The following PTPRN2 variants were observed in gnomAD, a reference collection of about 807,000 sequenced individuals.
The protein encoded by PTPRN2 is receptor-type tyrosine-protein phosphatase N2.
PTPRN2 carries 74 observed loss-of-function variants against 118.8 expected under a neutral mutation model. That is an observed-to-expected ratio of 0.62 (90% CI 0.52 to 0.76). PTPRN2 has a LOEUF of 0.76. PTPRN2 is among the 30% of genes least tolerant of loss of function. The probability of loss-of-function intolerance (pLI) is 0.00; values close to 1 mark genes in which losing one functional copy is unlikely to be tolerated. For missense variants in PTPRN2, 1,481 were observed against 1,394.4 expected (o/e 1.06, Z -0.99); for synonymous variants, 641 against 608.0 (o/e 1.05, Z -0.80).
rs760242352 is a variant in PTPRN2 at position 157,839,995 on chromosome 7, C to T, written c.1788+58678G>A. On this transcript the variant is annotated intron_variant, in intron 12 of 22. Coordinates refer to ENST00000389418, the MANE Select transcript of PTPRN2 (RefSeq NM_002847.5). ...GTGTGACCACATTTGACTGTGTGGC[C>T]GTGTGTGACTGTGTGTGACTGTGTG... is the stretch of plus-strand genomic sequence containing the variant. Among the ~76,000 whole-genome samples, 8 of 133,904 alleles carry T rather than the reference C, an allele frequency of 6.0e-5. No homozygotes were observed. In the Admixed American group the frequency reaches 6.0e-4, roughly 10 times the overall value. 87.8% of individuals were successfully genotyped at this position (133,904 alleles called of 152,430 possible).
intron 9 of PTPRN2, among the ~76,000 whole-genome samples, chr7:158,132,095 C>T (rs1246542180): frequency 6.6e-6 from 1 of 150,812 alleles, no homozygotes; most frequent in Non-Finnish European, 1.5e-5. Context: ...CACACACGCA[C>T]ATATGCACAG....
chr7:157,978,532 T>G (rs1802913432), intron 11 of PTPRN2, among the ~76,000 whole-genome samples: 1 of 151,990 alleles, frequency 6.6e-6, no homozygotes, highest in Non-Finnish European at 1.5e-5. Context: ...CACCTAAAGC[T>G]ACAGCATTTG....
chr7:157,542,517 T>C (rs1465655402), intron 22 of PTPRN2, among the ~76,000 whole-genome samples: 1 of 149,872 alleles, frequency 6.7e-6, no homozygotes, highest in Non-Finnish European at 1.5e-5. Flanking sequence ...GGGCCAGTGC[T>C]AATCCTGCAG....
At chr7:158,261,134 C>T (rs1797370506) in intron 3 of PTPRN2, among the ~76,000 whole-genome samples, 1 of 152,126 alleles carries the variant, frequency 6.6e-6, no homozygotes, top group African/African-American at 2.4e-5. Flanking sequence ...AGTGCCCATC[C>T]CGAGCTCTTT....
chr7:157,730,413 T>C (rs1243830631), intron 12 of PTPRN2, among the ~76,000 whole-genome samples: 1 of 152,208 alleles, frequency 6.6e-6, no homozygotes, highest in African/African-American at 2.4e-5. Context: ...CGGCAGACAT[T>C]TGAAAGCAGC....
At chr7:158,285,067 T>C (rs145172061) in intron 3 of PTPRN2, among the ~76,000 whole-genome samples, 18 of 152,322 alleles carry the variant, frequency 1.2e-4, no homozygotes, top group African/African-American at 3.8e-4. Flanking sequence ...CTTTTGTTTG[T>C]TTTTTGTTTT....
rs961821692 is a variant in PTPRN2 at position 158,003,142 on chromosome 7, C to T, written c.1723+78156G>A. Among the ~76,000 whole-genome samples, 1 of 152,080 alleles carries T rather than the reference C, an allele frequency of 6.6e-6. No individual in the cohort carries two copies. The highest frequency in any genetic ancestry group is 2.4e-5 in the African/African-American group (1 of 41,422). ...AAAGAGGTAAAGGTAAGGCCGGGCG[C>T]GGTGGCTCACGCCTGTAATCCCAGC... is the stretch of plus-strand genomic sequence containing the variant. On this transcript the variant is annotated intron_variant, in intron 11 of 22. Coordinates refer to ENST00000389418, the MANE Select transcript of PTPRN2 (RefSeq NM_002847.5). This position sits in a 1 kb window ranked among gnomAD's most constrained non-coding sequence, Gnocchi z 5.0.
chr7:158,425,195 CA>C (rs1815619409), intron 2 of PTPRN2, among the ~76,000 whole-genome samples: 1 of 34,902 alleles, frequency 2.9e-5, no homozygotes, highest in African/African-American at 7.3e-5. Context: ...GAGGCCTGCG[CA>C]CCGCCGGGAA....
intron 6 of PTPRN2, among the ~76,000 whole-genome samples, chr7:158,140,480 C>T (rs189149150): frequency 7.9e-5 from 12 of 152,252 alleles, no homozygotes; most frequent in African/African-American, 2.4e-4. Context: ...AGCAGGAGAG[C>T]GGATAAGGAG....
At chr7:157,983,406 C>G (rs959938462) in intron 11 of PTPRN2, among the ~76,000 whole-genome samples, 3 of 152,000 alleles carry the variant, frequency 2.0e-5, no homozygotes, top group Non-Finnish European at 4.4e-5. Flanking sequence ...TGGGTTCCCC[C>G]CTAAACCCCG....
At chr7:158,497,919 A>G (rs1822069789) in intron 1 of PTPRN2, among the ~76,000 whole-genome samples, 1 of 152,228 alleles carries the variant, frequency 6.6e-6, no homozygotes, top group Admixed American at 6.5e-5. Flanking sequence ...GATGTCACAC[A>G]TGAGCAGGAG....
At chr7:157,855,631 C>T (rs1268142298) in intron 12 of PTPRN2, among the ~76,000 whole-genome samples, 1 of 152,206 alleles carries the variant, frequency 6.6e-6, no homozygotes, top group African/African-American at 2.4e-5. Context: ...TCAGGAATAG[C>T]CCTCACTGCA....
intron 2 of PTPRN2, among the ~76,000 whole-genome samples, chr7:158,474,474 G>A (rs1475531569): frequency 1.3e-5 from 2 of 152,202 alleles, no homozygotes; most frequent in East Asian, 1.9e-4. Flanking sequence ...TTGATAAATG[G>A]GAAAGTCAAC....
chr7:158,191,628 C>T (rs1211736592), intron 5 of PTPRN2, among the ~76,000 whole-genome samples: 1 of 152,152 alleles, frequency 6.6e-6, no homozygotes, highest in East Asian at 1.9e-4. Flanking sequence ...ACTGAGATTC[C>T]TAATTCCGTG....
chr7:158,587,680 T>C lies in PTPRN2; in HGVS notation c.-11A>G. 2 of 1,312,858 alleles carry C rather than the reference T, an allele frequency of 1.5e-6. No homozygotes were observed. The highest frequency in any genetic ancestry group is 3.8e-5 in the South Asian group (2 of 52,740). The allele number at this position is 1,312,858 out of a possible 1,614,324, so 81.3% of individuals were successfully genotyped here. A position where few individuals can be genotyped will look rare whatever the true frequency, so the allele number is the denominator to read the frequency against. On this transcript the variant is annotated 5_prime_UTR_variant, in exon 1 of 23. Transcript: ENST00000389418. ...GAGCGGCGGCCCCATCCCCGCGGCCTGGCCGGCGGCGCTCAGTCCATGGCC... is the reference window on the plus strand; with the variant it reads ...GAGCGGCGGCCCCATCCCCGCGGCCCGGCCGGCGGCGCTCAGTCCATGGCC...
At chr7:158,248,153 A>G (rs745475577) in intron 3 of PTPRN2, among the ~76,000 whole-genome samples, 3 of 152,234 alleles carry the variant, frequency 2.0e-5, no homozygotes, top group African/African-American at 7.2e-5. Context: ...CTCAGAGCCC[A>G]CTAAGGCCAG....
At chr7:157,626,396 G>A (rs549397095) in intron 14 of PTPRN2, among the ~76,000 whole-genome samples, 154 of 152,098 alleles carry the variant, frequency 1.0e-3, no homozygotes, top group Middle Eastern at 6.8e-3. Context: ...CGTCCCCACC[G>A]CCATCCTTCT....
intron 3 of PTPRN2, among the ~76,000 whole-genome samples, chr7:158,257,547 A>G (rs12698186): frequency 0.17 from 25,151 of 152,186 alleles, 2,317 homozygotes; most frequent in East Asian, 0.25. Context: ...ATCATAGGAT[A>G]AGAGGACTGT....
intron 11 of PTPRN2, among the ~76,000 whole-genome samples, chr7:157,928,737 A>AGATGAGAGGGTGGG (rs1799176604): frequency 8.0e-6 from 1 of 125,514 alleles, no homozygotes; most frequent in Non-Finnish European, 1.6e-5. Context: ...CAGAGGGTGG[A>AGATGAGAGGGTGGG]AGATGAGAGG....
Sources: gnomAD v4.1 joint callset for allele counts (sites outside exome capture counted in the v4.1 genomes callset) on GRCh38, gnomAD v4.1.1 for gene constraint, Gnocchi (gnomAD v3.1) non-coding constraint, MANE v1.5 for transcripts, NCBI Gene and HGNC (gene_info 2026-07-23, HGNC 2026-07-21) for gene names.